The following GPR158 variants were observed in gnomAD, a reference collection of about 807,000 sequenced individuals.
GPR158 encodes the protein G protein-coupled receptor 158.
GPR158 carries 30 observed loss-of-function variants against 78.2 expected under a neutral mutation model. That is an observed-to-expected ratio of 0.38 (90% CI 0.29 to 0.52). GPR158 has a LOEUF of 0.52. GPR158 is among the 20% of genes least tolerant of loss of function. GPR158 has a pLI of 0.83. For synonymous variants in GPR158, 581 were observed against 591.1 expected (o/e 0.98, Z 0.25); for missense variants, 1,463 against 1,523.5 (o/e 0.96, Z 0.66).
intron 2 of GPR158, among the ~76,000 whole-genome samples, chr10:25,320,110 A>G (rs1019941089): frequency 6.6e-6 from 1 of 152,192 alleles, no homozygotes; most frequent in Non-Finnish European, 1.5e-5. Context: ...ACAGTTAATC[A>G]TGGTACAGCA....
At chr10:25,326,038 A>C (rs1855025955) in intron 2 of GPR158, among the ~76,000 whole-genome samples, 1 of 152,116 alleles carries the variant, frequency 6.6e-6, no homozygotes, top group South Asian at 2.1e-4. Context: ...GGTTTGCTGC[A>C]CAGGTGATCC....
chr10:25,200,932 G>A (rs1852918578), intron 1 of GPR158, among the ~76,000 whole-genome samples: 1 of 142,768 alleles, frequency 7.0e-6, no homozygotes, highest in African/African-American at 2.5e-5. Flanking sequence ...ATTGTTTGAA[G>A]TCAGGTAATG....
At chr10:25,562,961 G>A (rs1836877773) in intron 6 of GPR158, among the ~76,000 whole-genome samples, 4 of 152,226 alleles carry the variant, frequency 2.6e-5, no homozygotes, top group South Asian at 2.1e-4. Context: ...GGGATCTGAT[G>A]TTTAGTACAG....
intron 4 of GPR158, among the ~76,000 whole-genome samples, chr10:25,422,619 T>C (rs1337812402): frequency 1.1e-5 from 1 of 89,380 alleles, no homozygotes; most frequent in African/African-American, 4.9e-5. Flanking sequence ...TCTCTTTTCA[T>C]TGTATTTGCA....
chr10:25,517,462 G>T (rs1466172746), intron 5 of GPR158, among the ~76,000 whole-genome samples: 1 of 152,088 alleles, frequency 6.6e-6, no homozygotes, highest in Non-Finnish European at 1.5e-5. Flanking sequence ...TTTTCAAAGG[G>T]AATGCTTCCA....
At chr10:25,437,445 C>T (rs1006161600) in intron 4 of GPR158, among the ~76,000 whole-genome samples, 1 of 152,066 alleles carries the variant, frequency 6.6e-6, no homozygotes, top group African/African-American at 2.4e-5. Flanking sequence ...AGGCTGGTCT[C>T]GAACTCCTGG....
chr10:25,350,086 C>G (rs1855437621), intron 2 of GPR158, among the ~76,000 whole-genome samples: 1 of 151,306 alleles, frequency 6.6e-6, no homozygotes, highest in African/African-American at 2.4e-5. Flanking sequence ...GCTGAATTTT[C>G]ACCTTTAGCT....
At chr10:25,378,184 CAG>C (rs1218132961) in intron 2 of GPR158, among the ~76,000 whole-genome samples, 2 of 152,092 alleles carry the variant, frequency 1.3e-5, no homozygotes, top group Non-Finnish European at 2.9e-5. Flanking sequence ...CAGATGGGAA[CAG>C]AGAATGATAC....
intron 8 of GPR158, among the ~76,000 whole-genome samples, chr10:25,589,899 G>T (rs954918159): frequency 1.3e-5 from 2 of 152,134 alleles, no homozygotes; most frequent in Non-Finnish European, 2.9e-5. Context: ...CATTTAAAAA[G>T]CAACAAAAAG....
Position 25,598,855 on chromosome 10 carries a change from C to A in GPR158, c.3229C>A (p.Gln1077Lys), listed in dbSNP as rs1284165798. Reference protein sequence around the residue: ...DKAEVCLWESQGQSILEDEKL... With the variant: ...DKAEVCLWESKGQSILEDEKL... ...GGCTGAAGTATGCCTTTGGGAGAGC[C>A]AAGGCCAGTCCATTTTGGAAGATGA... Residue 1077 changes from glutamine to lysine, a missense_variant, in exon 11 of 11, where the codon CAA becomes AAA. Transcript: ENST00000376351. 1.2e-6 allele frequency: 2 copies of A among 1,614,062 alleles called. No individual in the cohort carries two copies. Among genetic ancestry groups the A allele is most frequent in the Admixed American group, 3.3e-5 (2 of 60,010 alleles).
chr10:25,576,540 A>G (rs1325284453), intron 7 of GPR158, among the ~76,000 whole-genome samples: 1 of 152,224 alleles, frequency 6.6e-6, no homozygotes, highest in Non-Finnish European at 1.5e-5. Context: ...ATTTTGAATA[A>G]TACTGGGAAA....
intron 5 of GPR158, among the ~76,000 whole-genome samples, chr10:25,494,951 C>T (rs796658978): frequency 2.0e-5 from 3 of 152,216 alleles, no homozygotes; most frequent in African/African-American, 7.2e-5. Flanking sequence ...CATGTTGCCT[C>T]TCCAGAGCAC....
chr10:25,287,563 G>A (rs7902135), intron 2 of GPR158, among the ~76,000 whole-genome samples: 17,068 of 152,006 alleles, frequency 0.11, 1,287 homozygotes, highest in East Asian at 0.31. Flanking sequence ...GTGGCTCGTT[G>A]TATGTGGTTC....
At chr10:25,589,235 A>G in intron 8 of GPR158, 90 bp downstream of exon 8, 1 of 844,534 alleles carries the variant, frequency 1.2e-6, no homozygotes, top group South Asian at 2.9e-5. Context: ...TGCATAATAG[A>G]AAGACTTAGC....
chr10:25,587,584 G>A (rs1380879544), intron 7 of GPR158, among the ~76,000 whole-genome samples: 1 of 152,170 alleles, frequency 6.6e-6, no homozygotes, highest in African/African-American at 2.4e-5. Context: ...AATTATACAT[G>A]AAAATCTCAG....
intron 2 of GPR158, among the ~76,000 whole-genome samples, chr10:25,292,931 T>A (rs1217653478): frequency 2.6e-5 from 4 of 152,150 alleles, no homozygotes; most frequent in Non-Finnish European, 5.9e-5. Context: ...ACAAGAGTTA[T>A]AAGACAATGG....
At chr10:25,371,553 A>T (rs1051619371) in intron 2 of GPR158, among the ~76,000 whole-genome samples, 1 of 148,616 alleles carries the variant, frequency 6.7e-6, no homozygotes, top group African/African-American at 2.5e-5. Flanking sequence ...ATAATGCCAC[A>T]TATCTACAAC....
At chr10:25,208,692 A>G (rs1329564770) in intron 1 of GPR158, among the ~76,000 whole-genome samples, 4 of 151,754 alleles carry the variant, frequency 2.6e-5, no homozygotes, top group Non-Finnish European at 5.9e-5. Context: ...ACATTTCCCG[A>G]CCACATGGTG....
intron 5 of GPR158, among the ~76,000 whole-genome samples, chr10:25,483,960 G>A (rs139840801): frequency 9.9e-5 from 15 of 152,152 alleles, no homozygotes; most frequent in South Asian, 4.1e-4. Flanking sequence ...GCAGCACACA[G>A]AATATAAATG....
Sources: allele counts gnomAD v4.1 joint callset (sites outside exome capture counted in the v4.1 genomes callset), GRCh38; gene constraint gnomAD v4.1.1; transcripts MANE v1.5; gene names NCBI Gene and HGNC (gene_info 2026-07-23, HGNC 2026-07-21).